The following GDAP2 variants were observed in gnomAD, a reference collection of about 807,000 sequenced individuals.
GDAP2 encodes the protein ganglioside-induced differentiation-associated protein 2.
GDAP2 carries 51 observed loss-of-function variants against 67.0 expected under a neutral mutation model. The ratio of observed to expected loss-of-function variants is 0.76; its 90% CI spans 0.61 to 0.96. The LOEUF is 0.96. GDAP2 is among the 40% of genes least tolerant of loss of function. The pLI, the probability that GDAP2 is intolerant of heterozygous loss-of-function variation, is 0.00. For missense variants in GDAP2, 547 were observed against 588.3 expected (o/e 0.93, Z 0.73); for synonymous variants, 203 against 207.3 (o/e 0.98, Z 0.18).
At chr1:117,920,885 T>C (rs1176894635) in intron 1 of GDAP2, among the ~76,000 whole-genome samples, 1 of 152,122 alleles carries the variant, frequency 6.6e-6, no homozygotes, top group African/African-American at 2.4e-5. Context: ...TAAGAGATGA[T>C]AAAGGTTTCA....
At chr1:117,909,056 G>A (rs1570987147) in intron 5 of GDAP2, among the ~76,000 whole-genome samples, 1 of 151,836 alleles carries the variant, frequency 6.6e-6, no homozygotes, top group South Asian at 2.1e-4. Flanking sequence ...ATGACTCTAA[G>A]GTTTTAGTAC....
intron 8 of GDAP2, among the ~76,000 whole-genome samples, chr1:117,893,675 C>T (rs1201734139): frequency 6.6e-6 from 1 of 152,162 alleles, no homozygotes; most frequent in Admixed American, 6.6e-5. Flanking sequence ...CCTACAATCT[C>T]AAATACGGCT....
rs1192348125 is a variant in GDAP2 at position 117,865,479 on chromosome 1, C to A, written c.*5090G>T. The A allele has an allele frequency of 1.3e-5, 2 of 152,104 alleles. No homozygotes were observed. The highest frequency in any genetic ancestry group is 2.9e-5 in the Non-Finnish European group (2 of 68,012). 9.4% of individuals were successfully genotyped at this position (152,104 alleles called of 1,614,324 possible). ...ATTTTTAGGTTTCCTTCGCCCAATA[C>A]CAATTAAAATCATTTATATATGTTA... is the stretch of plus-strand genomic sequence containing the variant. On this transcript the variant is annotated 3_prime_UTR_variant, in exon 14 of 14. Transcript: ENST00000369443.
intron 13 of GDAP2, 39 bp downstream of exon 13, chr1:117,877,970 T>C (rs1230507725): frequency 1.4e-5 from 23 of 1,610,814 alleles, no homozygotes; most frequent in Non-Finnish European, 2.0e-5. Context: ...ACAGTTAATA[T>C]ACCATACCAG....
At chr1:117,901,831 G>A (rs561541906) in intron 6 of GDAP2, among the ~76,000 whole-genome samples, 2 of 152,248 alleles carry the variant, frequency 1.3e-5, no homozygotes, top group East Asian at 3.9e-4. Context: ...CAAATCTACA[G>A]TCCTAATCAT....
chr1:117,905,458 T>G (rs191246775), intron 6 of GDAP2, among the ~76,000 whole-genome samples: 1 of 152,216 alleles, frequency 6.6e-6, no homozygotes, highest in Non-Finnish European at 1.5e-5. Flanking sequence ...GCAAATCTTA[T>G]GTACCTTTTA....
rs778910530 is a variant in GDAP2, at chr1:117,918,690, T to A, written c.223A>T (p.Ser75Cys). 2 of 1,596,322 alleles carry A rather than the reference T, an allele frequency of 1.3e-6. No homozygotes were observed. The highest frequency in any genetic ancestry group is 1.7e-6 in the Non-Finnish European group (2 of 1,163,852). ...LLNCTAIVNT[S>C]NESLTDKNPV... The stretch of plus-strand genomic sequence containing the variant: ...TTCTTATCTGTGAGACTTTCATTGC[T>A]GGTATTCACAATGGCTGTACAGTTC... The change falls in exon 3 of 14, where the codon AGC becomes TGC. Residue 75 changes from serine to cysteine, a missense_variant. Coordinates refer to ENST00000369443, the MANE Select transcript of GDAP2 (RefSeq NM_017686.4).
chr1:117,893,979 G>A (rs1248252479), intron 8 of GDAP2, among the ~76,000 whole-genome samples: 2 of 152,074 alleles, frequency 1.3e-5, no homozygotes, highest in African/African-American at 4.8e-5. Flanking sequence ...ATTTAGAGAA[G>A]AGTTGTATTT....
At chr1:117,908,472 T>C (rs1649734557) in intron 5 of GDAP2, among the ~76,000 whole-genome samples, 1 of 152,154 alleles carries the variant, frequency 6.6e-6, no homozygotes, top group Non-Finnish European at 1.5e-5. Flanking sequence ...ATGACAAATT[T>C]ACTTTTTATT....
intron 13 of GDAP2, among the ~76,000 whole-genome samples, chr1:117,873,022 A>T (rs187263015): frequency 1.2e-3 from 186 of 152,234 alleles, no homozygotes; most frequent in African/African-American, 3.6e-3. Context: ...CTATTCTATT[A>T]CCAATTTTTT....
At chr1:117,889,387 T>A (rs759676126) in intron 8 of GDAP2, among the ~76,000 whole-genome samples, 3 of 152,064 alleles carry the variant, frequency 2.0e-5, no homozygotes, top group Non-Finnish European at 4.4e-5. Flanking sequence ...TCTTATTAAC[T>A]ACAGTCACCG....
At chr1:117,915,368 CAA>C (rs1028207758) in intron 3 of GDAP2, among the ~76,000 whole-genome samples, 4 of 152,102 alleles carry the variant, frequency 2.6e-5, no homozygotes, top group African/African-American at 9.7e-5. Flanking sequence ...TGCTGGATTA[CAA>C]AATACCACAC....
intron 8 of GDAP2, among the ~76,000 whole-genome samples, chr1:117,892,740 A>C (rs1036809162): frequency 6.6e-6 from 1 of 152,132 alleles, no homozygotes; most frequent in African/African-American, 2.4e-5. Context: ...TCCAGTTAAT[A>C]AATTACCATC....
At position 117,914,718 on chromosome 1, in the gene GDAP2, C is replaced by T. The variant is rs577705601; in HGVS notation, c.317-2035G>A. Among the ~76,000 whole-genome samples the T allele has an allele frequency of 2.6e-5, 4 of 152,238 alleles. No individual in the cohort carries two copies. The South Asian group carries it at 8.3e-4, about 32-fold the overall frequency. On this transcript the variant is annotated intron_variant, in intron 3 of 13. Transcript: ENST00000369443. The stretch of plus-strand genomic sequence containing the variant: ...TACAAACAATCAGGGATAAGAATAG[C>T]ACAAGACTTCTCAACAGCACTAATC...
chr1:117,898,972 A>T (rs977359717), intron 7 of GDAP2, 85 bp downstream of exon 7: 1 of 978,870 alleles, frequency 1.0e-6, no homozygotes, highest in Non-Finnish European at 1.6e-6. Flanking sequence ...CCAAAGGTCA[A>T]GCTGAATTTC....
intron 3 of GDAP2, among the ~76,000 whole-genome samples, chr1:117,915,012 A>G (rs1458835010): frequency 6.6e-6 from 1 of 152,180 alleles, no homozygotes; most frequent in East Asian, 1.9e-4. Flanking sequence ...CACAGAGAAC[A>G]GTCTAGAGAG....
At chr1:117,923,268 A>T (rs1451856921) in intron 1 of GDAP2, among the ~76,000 whole-genome samples, 1 of 152,274 alleles carries the variant, frequency 6.6e-6, no homozygotes, top group Non-Finnish European at 1.5e-5. Flanking sequence ...CAGCTTATGA[A>T]GATGACAGGA....
chr1:117,923,653 A>T (rs1265704143), intron 1 of GDAP2, among the ~76,000 whole-genome samples: 1 of 152,218 alleles, frequency 6.6e-6, no homozygotes, highest in African/African-American at 2.4e-5. Flanking sequence ...ATGAGCTATT[A>T]TGAAGGGAAC....
intron 10 of GDAP2, among the ~76,000 whole-genome samples, chr1:117,885,561 T>C (rs1648823340): frequency 6.6e-6 from 1 of 152,146 alleles, no homozygotes; most frequent in Admixed American, 6.6e-5. Context: ...TGTACCATAA[T>C]TATCTGTGAG....
Sources: allele counts gnomAD v4.1 joint callset (sites outside exome capture counted in the v4.1 genomes callset), GRCh38; gene constraint gnomAD v4.1.1; transcripts MANE v1.5; gene names NCBI Gene and HGNC (gene_info 2026-07-23, HGNC 2026-07-21).